The following SLC30A7 variants were observed in gnomAD, a reference collection of about 807,000 sequenced individuals.
SLC30A7 encodes solute carrier family 30 member 7.
A neutral mutation model predicts 46.0 loss-of-function variants in SLC30A7; 35 were observed. That is an observed-to-expected ratio of 0.76 (90% CI 0.58 to 1.01). SLC30A7 has a LOEUF of 1.01. SLC30A7 is among the 50% of genes least tolerant of loss of function. The pLI is 0.00. For missense variants in SLC30A7, 464 were observed against 451.1 expected (o/e 1.03, Z -0.26); for synonymous variants, 147 against 157.8 (o/e 0.93, Z 0.51).
At position 100,896,276 on chromosome 1, in the gene SLC30A7, C is replaced by T. The variant is rs1419319626; in HGVS notation, c.14C>T (p.Ser5Phe). Residue 5 changes from serine to phenylalanine, a missense_variant, in exon 1 of 11, where the codon TCC becomes TTC. Physicochemically the swap from Ser to Phe is radical, Grantham distance 155. Coordinates refer to ENST00000357650, the MANE Select transcript of SLC30A7 (RefSeq NM_133496.5). ...CGGGCAGAGAAGATGTTGCCCCTGT[C>T]CATCAAAGACGATGAATACAAACCA... MLPLSIKDDEYKPPK... is the reference protein window; with the variant it reads MLPLFIKDDEYKPPK... 1.9e-6 allele frequency: 3 copies of T among 1,614,196 alleles called. No individual in the cohort carries two copies. The highest frequency in any genetic ancestry group is 2.2e-5 in the South Asian group (2 of 91,084).
intron 8 of SLC30A7, among the ~76,000 whole-genome samples, chr1:100,959,320 C>T (rs766407206): frequency 1.3e-5 from 2 of 152,174 alleles, no homozygotes; most frequent in South Asian, 4.1e-4. Context: ...TCTGTGGATA[C>T]ATAATGAAGT....
intron 8 of SLC30A7, among the ~76,000 whole-genome samples, chr1:100,951,857 A>C (rs761964621): frequency 3.9e-5 from 6 of 152,228 alleles, no homozygotes; most frequent in African/African-American, 9.7e-5. Flanking sequence ...ACCTTACTTC[A>C]CAAAAGAGAC....
At chr1:100,919,177 T>A (rs1329332101) in intron 7 of SLC30A7, among the ~76,000 whole-genome samples, 1 of 152,234 alleles carries the variant, frequency 6.6e-6, no homozygotes, top group Non-Finnish European at 1.5e-5. Context: ...TACAAAGTTT[T>A]ACATGCCAGA....
rs10604120 is a variant in SLC30A7, at chr1:100,975,828, GTTTTTTTTTTTTTTTT to G, written c.*983_*998del. 1.0e-5 allele frequency: 1 copy of G among 99,112 alleles called. No individual in the cohort carries two copies. Among genetic ancestry groups the G allele is most frequent in the Non-Finnish European group, 2.1e-5 (1 of 48,736 alleles). 6.1% of individuals were successfully genotyped at this position (99,112 alleles called of 1,614,324 possible). ...GGTGTGAGCCACCACGCCCGGCTAT[GTTTTTTTTTTTTTTTT>G]TTTTTTTTTTTAACAATGGATATTC... On this transcript the variant is annotated 3_prime_UTR_variant, in exon 11 of 11. Coordinates refer to ENST00000357650, the MANE Select transcript of SLC30A7 (RefSeq NM_133496.5).
chr1:100,960,272 A>G (rs1655465249), intron 8 of SLC30A7, among the ~76,000 whole-genome samples: 1 of 152,088 alleles, frequency 6.6e-6, no homozygotes, highest in Admixed American at 6.6e-5. Context: ...CTTTGTTCCT[A>G]TGGTTACCCT....
chr1:100,990,449 G>A, the SLC30A7 span: 1 of 1,614,000 alleles, frequency 6.2e-7, no homozygotes, highest in Non-Finnish European at 8.5e-7. Context: ...CTATTTTCTG[G>A]TATGGAAAAC....
At chr1:100,926,867 C>T (rs1653336407) in intron 8 of SLC30A7, among the ~76,000 whole-genome samples, 1 of 152,090 alleles carries the variant, frequency 6.6e-6, no homozygotes, top group African/African-American at 2.4e-5. Flanking sequence ...TGACAAATGC[C>T]ATAGAGTAGG....
chr1:100,918,505 C>T (rs1652740517), intron 7 of SLC30A7, among the ~76,000 whole-genome samples: 1 of 152,006 alleles, frequency 6.6e-6, no homozygotes. Flanking sequence ...TAAGTAATAC[C>T]CATGCCTGTG....
At chr1:100,959,000 A>G (rs1192975239) in intron 8 of SLC30A7, among the ~76,000 whole-genome samples, 1 of 152,236 alleles carries the variant, frequency 6.6e-6, no homozygotes, top group Non-Finnish European at 1.5e-5. Context: ...AAGGAGTGTA[A>G]GACTATAGGG....
intron 3 of SLC30A7, among the ~76,000 whole-genome samples, chr1:100,909,893 T>C (rs1272506369): frequency 1.3e-5 from 2 of 152,112 alleles, no homozygotes; most frequent in Non-Finnish European, 2.9e-5. Flanking sequence ...ACCCTGCTGA[T>C]TTATTAGATA....
intron 10 of SLC30A7, among the ~76,000 whole-genome samples, chr1:100,968,893 T>G (rs1656003821): frequency 6.6e-6 from 1 of 152,210 alleles, no homozygotes; most frequent in African/African-American, 2.4e-5. Flanking sequence ...TAAAGCCATC[T>G]TTATATATGC....
chr1:100,973,821 G>A (rs1656303058), intron 10 of SLC30A7, among the ~76,000 whole-genome samples: 1 of 152,094 alleles, frequency 6.6e-6, no homozygotes, highest in Non-Finnish European at 1.5e-5. Context: ...CTATAGGCAG[G>A]AGTGACCATC....
intron 10 of SLC30A7, among the ~76,000 whole-genome samples, chr1:100,967,251 A>G (rs1289625027): frequency 1.3e-5 from 2 of 152,150 alleles, no homozygotes; most frequent in Admixed American, 6.5e-5. Flanking sequence ...GGCTTTGTGG[A>G]AGACAGTTTT....
intron 3 of SLC30A7, among the ~76,000 whole-genome samples, chr1:100,908,953 TA>T (rs543874460): frequency 4.6e-5 from 7 of 152,106 alleles, no homozygotes; most frequent in Non-Finnish European, 8.8e-5. Flanking sequence ...ATACCTTCAG[TA>T]CCATAGCAGA....
intron 8 of SLC30A7, chr1:100,941,273 C>T: frequency 2.6e-6 from 1 of 378,592 alleles, no homozygotes; most frequent in East Asian, 6.3e-5. Context: ...TCCACCACCA[C>T]CAGAGCTACC....
intron 8 of SLC30A7, among the ~76,000 whole-genome samples, chr1:100,934,565 A>G (rs895472234): frequency 6.6e-6 from 1 of 151,956 alleles, no homozygotes. Flanking sequence ...TGGAAATATA[A>G]TATTTTCCTA....
At chr1:100,926,780 C>T (rs978421206) in intron 8 of SLC30A7, among the ~76,000 whole-genome samples, 1 of 122,642 alleles carries the variant, frequency 8.2e-6, no homozygotes, top group African/African-American at 3.1e-5. Context: ...AGCCTACCCT[C>T]ATGGAGCTTA....
At chr1:100,974,642 G>A (rs928763968) in intron 10 of SLC30A7, among the ~76,000 whole-genome samples, 168 bp from the exon 11 acceptor site, 4 of 151,632 alleles carry the variant, frequency 2.6e-5, no homozygotes, top group African/African-American at 9.7e-5. Context: ...TTTTGTAGTG[G>A]TAAATGGAGA....
At chr1:100,962,675 A>G (rs996659794) in intron 9 of SLC30A7, among the ~76,000 whole-genome samples, 6 of 152,220 alleles carry the variant, frequency 3.9e-5, no homozygotes, top group Admixed American at 3.9e-4. Context: ...ATTTAATTCT[A>G]ACTCAGTGGG....
Sources: gnomAD v4.1 joint callset for allele counts (sites outside exome capture counted in the v4.1 genomes callset) on GRCh38, gnomAD v4.1.1 for gene constraint, MANE v1.5 for transcripts, NCBI Gene and HGNC (gene_info 2026-07-23, HGNC 2026-07-21) for gene names.